The following SPOCK3 variants were observed in gnomAD, a reference collection of about 807,000 sequenced individuals.
SPOCK3 encodes the protein testican-3.
SPOCK3 carries 30 observed loss-of-function variants against 56.6 expected under a neutral mutation model. The observed-to-expected ratio is 0.53, with a 90% CI of 0.40 to 0.72. SPOCK3 has a LOEUF of 0.72. Ranked by LOEUF, SPOCK3 falls within the 30% of genes least tolerant of loss-of-function variation. SPOCK3 has a pLI of 0.00. For synonymous variants in SPOCK3, 196 were observed against 183.3 expected, an observed-to-expected ratio of 1.07 and a Z score of -0.56; for missense variants, 527 against 530.0, an observed-to-expected ratio of 0.99 and a Z score of 0.06.
intron 4 of SPOCK3, among the ~76,000 whole-genome samples, chr4:166,955,688 A>C (rs1377038281): frequency 6.8e-6 from 1 of 147,890 alleles, no homozygotes; most frequent in Non-Finnish European, 1.5e-5. Flanking sequence ...ATAAATTATT[A>C]ATAAAGTTTT....
chr4:167,184,072 T>C (rs1731736643), intron 2 of SPOCK3, among the ~76,000 whole-genome samples: 2 of 152,182 alleles, frequency 1.3e-5, no homozygotes, highest in South Asian at 2.1e-4. Flanking sequence ...TAAATGTATA[T>C]ACACTGAAAG....
intron 2 of SPOCK3, among the ~76,000 whole-genome samples, chr4:167,074,897 G>C (rs1045392453): frequency 2.0e-5 from 3 of 151,860 alleles, no homozygotes; most frequent in African/African-American, 4.8e-5. Flanking sequence ...GTTATACATA[G>C]AGTACGTACA....
intron 2 of SPOCK3, among the ~76,000 whole-genome samples, chr4:167,083,066 A>G (rs1757868370): frequency 6.6e-6 from 1 of 152,076 alleles, no homozygotes; most frequent in African/African-American, 2.4e-5. Context: ...ACGTCGTTGT[A>G]AAAACTTCAA....
intron 2 of SPOCK3, among the ~76,000 whole-genome samples, chr4:167,063,431 A>G (rs1755800392): frequency 6.6e-6 from 1 of 151,896 alleles, no homozygotes; most frequent in Admixed American, 6.6e-5. Flanking sequence ...ATCATGGTGA[A>G]GCTGTAACAT....
At chr4:167,081,558 A>T (rs1457598738) in intron 2 of SPOCK3, among the ~76,000 whole-genome samples, 1 of 152,056 alleles carries the variant, frequency 6.6e-6, no homozygotes, top group Non-Finnish European at 1.5e-5. Context: ...CCCCACCAAA[A>T]AGGAAAAGCA....
intron 2 of SPOCK3, 146 bp from the exon 3 acceptor site, chr4:167,062,683 T>C: frequency 1.7e-6 from 1 of 590,168 alleles, no homozygotes; most frequent in Admixed American, 3.4e-5. Flanking sequence ...ATAAAATAAA[T>C]AAATAAAAAT....
At chr4:166,842,930 C>T (rs1747612967) in intron 6 of SPOCK3, among the ~76,000 whole-genome samples, 1 of 152,214 alleles carries the variant, frequency 6.6e-6, no homozygotes, top group South Asian at 2.1e-4. Flanking sequence ...GGGGACCCCA[C>T]AGTCAGGCAT....
intron 2 of SPOCK3, among the ~76,000 whole-genome samples, chr4:167,134,332 G>A (rs79450713): frequency 0.011 from 1,655 of 151,836 alleles, 15 homozygotes; most frequent in Non-Finnish European, 0.019. Flanking sequence ...CGCACGTGGC[G>A]CTTGATGACT....
chr4:166,941,856 C>T (rs1323275245), intron 4 of SPOCK3, among the ~76,000 whole-genome samples: 1 of 152,122 alleles, frequency 6.6e-6, no homozygotes, highest in African/African-American at 2.4e-5. Flanking sequence ...GTGAATCATT[C>T]AGCCCCAGGC....
intron 8 of SPOCK3, among the ~76,000 whole-genome samples, chr4:166,747,816 T>C (rs1416370820): frequency 6.6e-6 from 1 of 151,882 alleles, no homozygotes; most frequent in East Asian, 1.9e-4. Context: ...TGTGCAAAAA[T>C]CACAAGCATT....
intron 5 of SPOCK3, among the ~76,000 whole-genome samples, chr4:166,889,717 C>A (rs892292455): frequency 4.0e-5 from 6 of 151,822 alleles, no homozygotes; most frequent in Non-Finnish European, 8.8e-5. Context: ...CAGTGACTTG[C>A]ACAGCATCAA....
intron 2 of SPOCK3, among the ~76,000 whole-genome samples, chr4:167,187,782 T>C (rs1321731442): frequency 6.6e-6 from 1 of 152,216 alleles, no homozygotes. Context: ...GTATGAGTTA[T>C]GTGCAGTGCT....
chr4:167,093,542 G>A lies in SPOCK3; in HGVS notation c.190-31005C>T, dbSNP rs557920278. Among the ~76,000 whole-genome samples, 903 of 152,188 alleles carry A rather than the reference G, an allele frequency of 5.9e-3. 9 individuals are homozygous for A. The highest frequency in any genetic ancestry group is 0.017 in the Middle Eastern group (5 of 294). ...CCACTTATGAGTGAGAACATATGGT[G>A]TTTGGTTTTCTGTTCCTGTGTTAGT... On this transcript the variant is annotated intron_variant, in intron 2 of 10. Transcript: ENST00000357545.
At chr4:167,142,162 C>G (rs1763587737) in intron 2 of SPOCK3, among the ~76,000 whole-genome samples, 1 of 151,902 alleles carries the variant, frequency 6.6e-6, no homozygotes, top group South Asian at 2.1e-4. Flanking sequence ...GTTTAACAGA[C>G]TCTTCTTCAG....
intron 3 of SPOCK3, among the ~76,000 whole-genome samples, chr4:167,046,020 C>G (rs1753677376): frequency 6.6e-6 from 1 of 152,084 alleles, no homozygotes; most frequent in Non-Finnish European, 1.5e-5. Context: ...CTCGATTTTC[C>G]TTGTCTGGAC....
At chr4:166,837,579 T>G (rs180982339) in intron 6 of SPOCK3, among the ~76,000 whole-genome samples, 3 of 152,208 alleles carry the variant, frequency 2.0e-5, no homozygotes, top group Admixed American at 1.3e-4. Flanking sequence ...GAAATTGTAC[T>G]TCCCATTACA....
intron 2 of SPOCK3, among the ~76,000 whole-genome samples, chr4:167,147,676 G>A (rs1160257512): frequency 1.3e-5 from 2 of 152,014 alleles, no homozygotes; most frequent in Non-Finnish European, 1.5e-5. Context: ...AGATGAAGCT[G>A]GAAACCATTA....
At chr4:166,935,370 A>G (rs151311906) in intron 4 of SPOCK3, among the ~76,000 whole-genome samples, 1 of 152,292 alleles carries the variant, frequency 6.6e-6, no homozygotes, top group East Asian at 1.9e-4. Context: ...AATGGTAGCC[A>G]TTTCAGCATG....
At chr4:166,978,502 G>T (rs1746212220) in intron 4 of SPOCK3, among the ~76,000 whole-genome samples, 1 of 152,168 alleles carries the variant, frequency 6.6e-6, no homozygotes, top group Non-Finnish European at 1.5e-5. Flanking sequence ...GTGCTGCTTA[G>T]TTTGGTCTGG....
Sources: allele counts gnomAD v4.1 joint callset (sites outside exome capture counted in the v4.1 genomes callset), GRCh38; gene constraint gnomAD v4.1.1; transcripts MANE v1.5; gene names NCBI Gene and HGNC (gene_info 2026-07-23, HGNC 2026-07-21).